Variants in VNN1 observed in about 807,000 individuals in gnomAD.
VNN1 encodes the protein vanin 1, also known as pantetheinase.
Under a neutral mutation model 41.9 loss-of-function variants are expected in VNN1, and 29 were observed. The ratio of observed to expected loss-of-function variants is 0.69; its 90% CI spans 0.52 to 0.94. The LOEUF (loss-of-function observed/expected upper bound fraction) is 0.94, where lower values mean the gene tolerates loss of function less well. Ranked by LOEUF, VNN1 falls within the 40% of genes least tolerant of loss-of-function variation. The probability of loss-of-function intolerance (pLI) is 0.00; values close to 1 mark genes in which losing one functional copy is unlikely to be tolerated. For missense variants in VNN1, 637 were observed against 621.1 expected (o/e 1.03, Z -0.27); for synonymous variants, 233 against 224.4 (o/e 1.04, Z -0.34).
At chr6:132,712,347 TCC>T (rs1778614332) in intron 1 of VNN1, among the ~76,000 whole-genome samples, 2 of 151,982 alleles carry the variant, frequency 1.3e-5, no homozygotes, top group Non-Finnish European at 2.9e-5. Flanking sequence ...ATGGGGTTTC[TCC>T]ATATTGGTCA....
rs372149031 is a variant in VNN1, at chr6:132,695,841, AAAACAAAC to A, written c.342-1667_342-1660del. Among the ~76,000 whole-genome samples the A allele has an allele frequency of 2.6e-5, 4 of 152,266 alleles. No individual in the cohort carries two copies. The East Asian group carries it at 5.8e-4, about 22-fold the overall frequency. On this transcript the variant is annotated intron_variant, in intron 2 of 6. Transcript: ENST00000367928. Reference sequence around the variant, plus strand: ...CTCAACACAAACATCCTACAACAACAAAACAAACAAACAAACAAACATAGCAAACCCAG... The same window carrying A: ...CTCAACACAAACATCCTACAACAACAAAACAAACAAACATAGCAAACCCAG...
At position 132,681,816 on chromosome 6, in the gene VNN1, T is replaced by A. The variant is rs1778126538; in HGVS notation, c.*1324A>T. ...CTCAAATATTTCTTGGATGATATAG[T>A]ACTTTTTAGGAAAAACATCTGCCAC... On this transcript the variant is annotated 3_prime_UTR_variant, in exon 7 of 7. Transcript: ENST00000367928. 2 of 152,642 alleles carry A rather than the reference T, an allele frequency of 1.3e-5. No individual in the cohort carries two copies. The highest frequency in any genetic ancestry group is 2.4e-5 in the African/African-American group (1 of 41,464). 9.5% of individuals were successfully genotyped at this position (152,642 alleles called of 1,614,324 possible).
chr6:132,693,292 A>AT lies in VNN1; in HGVS notation c.557dup (p.Asn186LysfsTer10). 6.2e-7 allele frequency: 1 copy of AT among 1,604,950 alleles called. No homozygotes were observed. Among genetic ancestry groups the AT allele is most frequent in the Non-Finnish European group, 8.5e-7 (1 of 1,176,498 alleles). ...CAGGCTCCTTGGGTACATTGAATTG[A>AT]TTTTCACCCATGAAAAGGTTTTGCT... is the stretch of plus-strand genomic sequence containing the variant. On this transcript the variant is annotated frameshift_variant, in exon 4 of 7. Coordinates refer to ENST00000367928, the MANE Select transcript of VNN1 (RefSeq NM_004666.3). LOFTEE classifies it high-confidence loss of function.
In VNN1 at chr6:132,693,191, G is replaced by A; in HGVS notation, c.659C>T (p.Ala220Val). The change falls in exon 4 of 7, where the codon GCT (alanine) becomes GTT (valine). Residue 220 changes from alanine to valine, a missense_variant. By Grantham distance (64) the Ala-to-Val change is moderately conservative (BLOSUM62 0). Transcript: ENST00000367928. The stretch of plus-strand genomic sequence containing the variant: ...GTGGAAATCTTTCACCAAGGTAACA[G>A]CAGGATCATGGAAGAGTATATCAAA... ...TCFDILFHDP[A>V]VTLVKDFHVD... The A allele has an allele frequency of 6.2e-7, 1 of 1,614,146 alleles. No individual in the cohort carries two copies. The highest frequency in any genetic ancestry group is 1.1e-5 in the South Asian group (1 of 91,086).
chr6:132,687,033 G>A (rs575949001), intron 5 of VNN1, among the ~76,000 whole-genome samples: 4 of 152,098 alleles, frequency 2.6e-5, no homozygotes, highest in East Asian at 1.9e-4. Flanking sequence ...AGAAAATGTC[G>A]GAAAATTAGA....
At chr6:132,713,474 G>A (rs1235608988) in intron 1 of VNN1, among the ~76,000 whole-genome samples, 1 of 152,102 alleles carries the variant, frequency 6.6e-6, no homozygotes, top group South Asian at 2.1e-4. Flanking sequence ...GTACATGAAG[G>A]CCACTAATAC....
chr6:132,712,486 T>G (rs964415479), intron 1 of VNN1, among the ~76,000 whole-genome samples: 6 of 152,200 alleles, frequency 3.9e-5, no homozygotes, highest in Admixed American at 3.3e-4. Flanking sequence ...CTGCCATTGT[T>G]GTTTCCTATG....
Position 132,682,982 on chromosome 6 carries a change from A to G in VNN1, c.*158T>C, listed in dbSNP as rs969444819. 22 of 520,768 alleles carry G rather than the reference A, an allele frequency of 4.2e-5. No homozygotes were observed. Among genetic ancestry groups the G allele is most frequent in the Admixed American group, 1.3e-4 (3 of 23,944 alleles). 32.3% of individuals were successfully genotyped at this position (520,768 alleles called of 1,614,324 possible). A position where few individuals can be genotyped will look rare whatever the true frequency, so the allele number is the denominator to read the frequency against. ...TAAAATCTACATTAACAGATAATTT[A>G]TTAAGTTTATATTATCTGGTGTGTG... On this transcript the variant is annotated 3_prime_UTR_variant, in exon 7 of 7. Transcript: ENST00000367928.
In VNN1 at chr6:132,683,024, AAGAG is replaced by A. The variant is rs1371309273; in HGVS notation, c.*112_*115del. On this transcript the variant is annotated 3_prime_UTR_variant, in exon 7 of 7. Transcript: ENST00000367928. The stretch of plus-strand genomic sequence containing the variant: ...TGGTGTGTGTGTGTTTGTCTAAATA[AAGAG>A]AAACTAGTAATTCACTTATACTAGA... 1 of 823,166 alleles carries A rather than the reference AAGAG, an allele frequency of 1.2e-6. No individual in the cohort carries two copies. Among genetic ancestry groups the A allele is most frequent in the Non-Finnish European group, 1.8e-6 (1 of 558,664 alleles). The allele number at this position is 823,166 out of a possible 1,614,324, so 51.0% of individuals were successfully genotyped here.
Position 132,681,587 on chromosome 6 carries a change from G to C in VNN1, c.*1553C>G, listed in dbSNP as rs990517020. 6.6e-6 allele frequency: 1 copy of C among 152,334 alleles called. No homozygotes were observed. The highest frequency in any genetic ancestry group is 2.4e-5 in the African/African-American group (1 of 41,436). 9.4% of individuals were successfully genotyped at this position (152,334 alleles called of 1,614,324 possible). On this transcript the variant is annotated 3_prime_UTR_variant, in exon 7 of 7. Coordinates refer to ENST00000367928, the MANE Select transcript of VNN1 (RefSeq NM_004666.3). ...ACGTTGAGCAAAAAAGAAACACTTAGGATGTTTTTGAAGTTTTTAATAATT... is the reference window on the plus strand; with the variant it reads ...ACGTTGAGCAAAAAAGAAACACTTACGATGTTTTTGAAGTTTTTAATAATT...
At chr6:132,684,291 T>A in intron 6 of VNN1, 44 bp downstream of exon 6, 1 of 1,565,646 alleles carries the variant, frequency 6.4e-7, no homozygotes, top group Non-Finnish European at 8.7e-7. Context: ...CAAAAAGTGC[T>A]TCCTCTTACA....
At position 132,693,089 on chromosome 6, in the gene VNN1, C is replaced by T. The variant is rs1199229023; in HGVS notation, c.761G>A (p.Trp254Ter). ...HLSAVEFHSA[W>*]AMGMRVNFLA... is the part of the protein sequence containing the mutation. Reference sequence around the variant, plus strand: ...GAAATTGACCCTCATGCCCATAGCCCAAGCTGAGTGGAATTCAACAGCTGA... The same window carrying T: ...GAAATTGACCCTCATGCCCATAGCCTAAGCTGAGTGGAATTCAACAGCTGA... Residue 254 changes from tryptophan to a stop codon, truncating the protein, a stop_gained, in exon 4 of 7, where the codon TGG (tryptophan) becomes TAG (stop). Coordinates refer to ENST00000367928, the MANE Select transcript of VNN1 (RefSeq NM_004666.3). LOFTEE classifies it high-confidence loss of function. 3 of 1,613,792 alleles carry T rather than the reference C, an allele frequency of 1.9e-6. No homozygotes were observed. The highest frequency in any genetic ancestry group is 2.5e-6 in the Non-Finnish European group (3 of 1,179,988).
At chr6:132,709,788 G>A (rs1778573613) in intron 2 of VNN1, among the ~76,000 whole-genome samples, 1 of 152,146 alleles carries the variant, frequency 6.6e-6, no homozygotes, top group Non-Finnish European at 1.5e-5. Context: ...CATCCTTGTG[G>A]GGATGTTCAG....
At chr6:132,707,079 A>G (rs1236994979) in intron 2 of VNN1, among the ~76,000 whole-genome samples, 2 of 151,956 alleles carry the variant, frequency 1.3e-5, no homozygotes, top group Non-Finnish European at 2.9e-5. Flanking sequence ...ATACAAAAAT[A>G]GCTGGGTGTA....
chr6:132,695,527 C>T (rs185376314), intron 2 of VNN1, among the ~76,000 whole-genome samples: 1 of 152,116 alleles, frequency 6.6e-6, no homozygotes, highest in Non-Finnish European at 1.5e-5. Flanking sequence ...ATTGTTGCTT[C>T]TGATCATGGA....
chr6:132,690,420 T>C (rs1457847107), intron 5 of VNN1, among the ~76,000 whole-genome samples: 2 of 152,292 alleles, frequency 1.3e-5, no homozygotes, highest in Middle Eastern at 3.4e-3. Context: ...ACACCCTTGT[T>C]CATGCTCTTC....
At chr6:132,697,217 T>C (rs939838289) in intron 2 of VNN1, among the ~76,000 whole-genome samples, 12 of 152,188 alleles carry the variant, frequency 7.9e-5, no homozygotes, top group African/African-American at 2.9e-4. Context: ...CTAAGATTTG[T>C]TCCAAATTTA....
chr6:132,686,873 G>C (rs1381601719), intron 5 of VNN1, among the ~76,000 whole-genome samples: 1 of 152,038 alleles, frequency 6.6e-6, no homozygotes, highest in Non-Finnish European at 1.5e-5. Flanking sequence ...ACAACAATAA[G>C]TGTTGAAACT....
intron 2 of VNN1, among the ~76,000 whole-genome samples, chr6:132,695,160 A>T (rs1409745404): frequency 2.0e-5 from 3 of 152,052 alleles, no homozygotes; most frequent in East Asian, 3.8e-4. Flanking sequence ...CTCAAAAAAA[A>T]ATTTTTTTGA....
Sources: gnomAD v4.1 joint callset for allele counts (sites outside exome capture counted in the v4.1 genomes callset) on GRCh38, gnomAD v4.1.1 for gene constraint, MANE v1.5 for transcripts, NCBI Gene and HGNC (gene_info 2026-07-23, HGNC 2026-07-21) for gene names.